SS18: variants seen among roughly 807,000 people sequenced by gnomAD.
SS18 encodes protein SSXT.
Under a neutral mutation model 72.5 loss-of-function variants are expected in SS18, and 28 were observed. The observed-to-expected ratio is 0.39, with a 90% CI of 0.29 to 0.53. The LOEUF is 0.53. Ranked by LOEUF, SS18 falls within the 20% of genes least tolerant of loss-of-function variation. The probability of loss-of-function intolerance (pLI) is 0.76; values close to 1 mark genes in which losing one functional copy is unlikely to be tolerated. For synonymous variants in SS18, 172 were observed against 164.2 expected (o/e 1.05, Z -0.37); for missense variants, 518 against 535.3 (o/e 0.97, Z 0.32).
intron 10 of SS18, among the ~76,000 whole-genome samples, chr18:26,021,140 C>G (rs1019403646): frequency 3.3e-5 from 5 of 152,178 alleles, no homozygotes; most frequent in Non-Finnish European, 7.3e-5. Context: ...GGCTGTGTAT[C>G]TGCAACCATT....
chr18:26,046,506 T>C (rs2143938161), intron 5 of SS18, among the ~76,000 whole-genome samples: 1 of 152,314 alleles, frequency 6.6e-6, no homozygotes, highest in Non-Finnish European at 1.5e-5. Context: ...ATTTTCATCC[T>C]TTTCATCACA....
At chr18:26,026,506 C>CA (rs200777828) in intron 10 of SS18, among the ~76,000 whole-genome samples, 233 of 152,134 alleles carry the variant, frequency 1.5e-3, no homozygotes, top group African/African-American at 4.9e-3. Flanking sequence ...AGGACATCTA[C>CA]AAAAAACCCT....
chr18:26,081,788 T>C (rs2054528410), intron 2 of SS18, among the ~76,000 whole-genome samples: 1 of 151,630 alleles, frequency 6.6e-6, no homozygotes, highest in South Asian at 2.1e-4. Context: ...CTGGGCACAG[T>C]GGCTCACACC....
Position 26,090,512 on chromosome 18 carries a change from C to A in SS18, c.58G>T (p.Ala20Ser). The A allele has an allele frequency of 6.3e-7, 1 of 1,579,226 alleles. No individual in the cohort carries two copies. Among genetic ancestry groups the A allele is most frequent in the Non-Finnish European group, 8.6e-7 (1 of 1,162,836 alleles). ...CCGCGCGGTTTCACCTTCTGAATCG[C>A]AGCGGGAGTGATCTCCCCCTTGCCT... ...QRGKGEITPAAIQKMLDDNNH... is the reference protein window; with the variant it reads ...QRGKGEITPASIQKMLDDNNH... The change falls in exon 1 of 11, where the codon GCG (alanine) becomes TCG (serine). Residue 20 changes from alanine to serine, a missense_variant. Physicochemically the swap from Ala to Ser is moderately conservative, Grantham distance 99. Coordinates refer to ENST00000415083, the MANE Select transcript of SS18 (RefSeq NM_001007559.3).
chr18:26,018,969 G>A (rs1411279524), intron 10 of SS18, among the ~76,000 whole-genome samples: 2 of 152,138 alleles, frequency 1.3e-5, no homozygotes, highest in Non-Finnish European at 2.9e-5. Flanking sequence ...AAGGAAAGCT[G>A]TTTTGTGTTG....
At chr18:26,056,168 C>T (rs1019230628) in intron 4 of SS18, among the ~76,000 whole-genome samples, 3 of 152,200 alleles carry the variant, frequency 2.0e-5, no homozygotes, top group African/African-American at 4.8e-5. Context: ...GAAGGCCTTA[C>T]ACAAAACCAA....
chr18:26,059,487 G>T (rs1416470102), intron 3 of SS18, among the ~76,000 whole-genome samples: 1 of 152,184 alleles, frequency 6.6e-6, no homozygotes, highest in Admixed American at 6.5e-5. Context: ...TAGCAGGTAG[G>T]AGGCTAAAGA....
upstream of SS18, chr18:26,090,918 G>A: frequency 2.8e-6 from 1 of 360,218 alleles, no homozygotes; most frequent in Admixed American, 4.8e-5. Flanking sequence ...CGCCGCCGCG[G>A]GAGAAGGAGA....
chr18:26,091,098 C>T (rs759539853), upstream of SS18: 47 of 154,124 alleles, frequency 3.0e-4, no homozygotes, highest in Middle Eastern at 3.3e-3. Context: ...TTACTTACGC[C>T]TCCTGGCAAG....
chr18:26,025,336 A>C (rs567189185), intron 10 of SS18, among the ~76,000 whole-genome samples: 1 of 152,272 alleles, frequency 6.6e-6, no homozygotes, highest in African/African-American at 2.4e-5. Flanking sequence ...AGAACAAATA[A>C]AACCCAAGTA....
At chr18:26,089,372 C>T (rs944399266) in intron 1 of SS18, among the ~76,000 whole-genome samples, 2 of 152,228 alleles carry the variant, frequency 1.3e-5, no homozygotes, top group Non-Finnish European at 2.9e-5. Context: ...CATTTCCAGG[C>T]ACTGCCAAGC....
chr18:26,051,155 C>T (rs1003098307), intron 5 of SS18, among the ~76,000 whole-genome samples: 1 of 151,708 alleles, frequency 6.6e-6, no homozygotes, highest in Non-Finnish European at 1.5e-5. Flanking sequence ...GGGCAACATA[C>T]CAAGACATTG....
chr18:26,053,979 T>C (rs576562680), intron 4 of SS18, among the ~76,000 whole-genome samples: 1 of 152,314 alleles, frequency 6.6e-6, no homozygotes, highest in Non-Finnish European at 1.5e-5. Context: ...GGGAGATTGG[T>C]TCCAGAACCA....
At chr18:26,070,175 T>A (rs2054288933) in intron 3 of SS18, among the ~76,000 whole-genome samples, 1 of 152,200 alleles carries the variant, frequency 6.6e-6, no homozygotes, top group African/African-American at 2.4e-5. Context: ...AAATGGTTCC[T>A]AATTATGAAA....
chr18:26,056,764 T>G lies in SS18; in HGVS notation c.385+825A>C, dbSNP rs146018783. ...TGTCTTCTTTATCAATGAAAATAAC[T>G]TTTGTCTTAGAAGGTAAAAATATTC... On this transcript the variant is annotated intron_variant, in intron 4 of 10. Transcript: ENST00000415083. 3.3e-3 allele frequency among the ~76,000 whole-genome samples: 499 copies of G among 152,330 alleles called. 2 individuals carry two copies. The highest frequency in any genetic ancestry group is 0.012 in the African/African-American group (484 of 41,566).
At chr18:26,061,849 T>C (rs1405913486) in intron 3 of SS18, among the ~76,000 whole-genome samples, 1 of 152,140 alleles carries the variant, frequency 6.6e-6, no homozygotes, top group African/African-American at 2.4e-5. Flanking sequence ...AGGAGTTAGT[T>C]AAGAGGAATG....
chr18:26,077,155 G>C (rs1405087629), intron 3 of SS18, among the ~76,000 whole-genome samples: 1 of 151,930 alleles, frequency 6.6e-6, no homozygotes, highest in Non-Finnish European at 1.5e-5. Context: ...AGGTAGACAG[G>C]GAACTTTATA....
chr18:26,035,818 G>A lies in SS18; in HGVS notation c.973+13C>T. On this transcript the variant is annotated intron_variant, in intron 8 of 10. Transcript: ENST00000415083. The surrounding 1 kb of genome is among the most constrained non-coding windows in gnomAD (Gnocchi z 4.4). Reference sequence around the variant, plus strand: ...GGATATATATGTGTATGTGTGTGAAGGTATATAGATACCTCCTTCGTAGTA... The same window carrying A: ...GGATATATATGTGTATGTGTGTGAAAGTATATAGATACCTCCTTCGTAGTA... 1 of 1,561,432 alleles carries A rather than the reference G, an allele frequency of 6.4e-7. No individual in the cohort carries two copies. The highest frequency in any genetic ancestry group is 8.8e-7 in the Non-Finnish European group (1 of 1,140,534).
chr18:26,028,002 T>A (rs2053480815), intron 10 of SS18, among the ~76,000 whole-genome samples: 1 of 150,170 alleles, frequency 6.7e-6, no homozygotes, highest in South Asian at 2.1e-4. Flanking sequence ...AAGACACTAT[T>A]TATAGAATGA....
Sources: allele counts gnomAD v4.1 joint callset (sites outside exome capture counted in the v4.1 genomes callset), GRCh38; gene constraint gnomAD v4.1.1; non-coding constraint Gnocchi (gnomAD v3.1); transcripts MANE v1.5; gene names NCBI Gene and HGNC (gene_info 2026-07-23, HGNC 2026-07-21).